The following CRAMP1 variants were observed in gnomAD, a reference collection of about 807,000 sequenced individuals.
CRAMP1 encodes protein cramped-like.
A neutral mutation model predicts 115.4 loss-of-function variants in CRAMP1; 50 were observed. The ratio of observed to expected loss-of-function variants is 0.43; its 90% confidence interval spans 0.35 to 0.55. CRAMP1 has a LOEUF of 0.55. Among genes scored for constraint, CRAMP1 ranks in the 20% least tolerant of loss-of-function variants. The probability of loss-of-function intolerance (pLI) is 0.01; values close to 1 mark genes in which losing one functional copy is unlikely to be tolerated. For synonymous variants in CRAMP1, 866 were observed against 745.4 expected, an observed-to-expected ratio of 1.16 and a Z score of -2.64; for missense variants, 1,679 against 1,721.7, an observed-to-expected ratio of 0.98 and a Z score of 0.44.
rs1406063510 is a variant in CRAMP1, at chr16:1,677,838, T to A, written c.*3793T>A. ...TTTAATATAATAAGAGCTGTTAAAC[T>A]TCTGTTTAAATTTCCAGTTCAACTT... On this transcript the variant is annotated 3_prime_UTR_variant, in exon 21 of 21. Transcript: ENST00000397412. The A allele has an allele frequency of 6.5e-6, 1 of 154,000 alleles. No individual in the cohort carries two copies. The highest frequency in any genetic ancestry group is 1.9e-4 in the East Asian group (1 of 5,250). 9.5% of individuals were successfully genotyped at this position (154,000 alleles called of 1,614,324 possible). A position where few individuals can be genotyped will look rare whatever the true frequency, so the allele number is the denominator to read the frequency against.
At chr16:1,673,710 G>A (rs1003196788) in intron 20 of CRAMP1, among the ~76,000 whole-genome samples, 171 bp from the exon 21 acceptor site, 7 of 152,232 alleles carry the variant, frequency 4.6e-5, no homozygotes, top group African/African-American at 1.7e-4. Flanking sequence ...AAGAGTGTGC[G>A]GGCAGACGAC....
intron 11 of CRAMP1, among the ~76,000 whole-genome samples, chr16:1,660,918 AG>A (rs1188005623): frequency 6.6e-6 from 1 of 152,238 alleles, no homozygotes; most frequent in Non-Finnish European, 1.5e-5. Context: ...CTGAGGCAGG[AG>A]AATCACTTGA....
At chr16:1,642,562 C>T (rs898780675) in intron 6 of CRAMP1, among the ~76,000 whole-genome samples, 1 of 152,322 alleles carries the variant, frequency 6.6e-6, no homozygotes, top group South Asian at 2.1e-4. Context: ...GCTTCAGAGC[C>T]CTGCTTCCTT....
At position 1,666,212 on chromosome 16, in the gene CRAMP1, T is replaced by C; in HGVS notation, c.2857+35T>C. 1 of 1,428,302 alleles carries C rather than the reference T, an allele frequency of 7.0e-7. No individual in the cohort carries two copies. Among genetic ancestry groups the C allele is most frequent in the South Asian group, 1.2e-5 (1 of 83,538 alleles). The allele number at this position is 1,428,302 out of a possible 1,614,324, so 88.5% of individuals were successfully genotyped here. On this transcript the variant is annotated intron_variant, in intron 15 of 20. Transcript: ENST00000397412. This position sits in a 1 kb window ranked among gnomAD's most constrained non-coding sequence, Gnocchi z 5.0. ...TACCTGCATGGCCACAGCCACTGAG[T>C]GAGCCTCTGAGGGATGTTTTTGTGA...
intron 5 of CRAMP1, 102 bp from the exon 6 acceptor site, chr16:1,641,037 A>G (rs1005918100): frequency 1.2e-5 from 9 of 757,806 alleles, no homozygotes; most frequent in Admixed American, 4.6e-5. Context: ...AATATTCGGT[A>G]ATGGGATTTG....
chr16:1,627,711 T>A (rs1220363471), intron 3 of CRAMP1, among the ~76,000 whole-genome samples: 1 of 152,190 alleles, frequency 6.6e-6, no homozygotes, highest in Non-Finnish European at 1.5e-5. Context: ...TTGCAGTAGA[T>A]ATGAAGCCAT....
intron 2 of CRAMP1, among the ~76,000 whole-genome samples, chr16:1,624,654 C>T (rs1205068703): frequency 1.3e-5 from 2 of 152,212 alleles, no homozygotes; most frequent in African/African-American, 4.8e-5. Flanking sequence ...TCTCGGCTCA[C>T]TGCAACCACT....
chr16:1,623,358 C>T (rs2036481643), intron 2 of CRAMP1, among the ~76,000 whole-genome samples: 1 of 152,226 alleles, frequency 6.6e-6, no homozygotes, highest in South Asian at 2.1e-4. Context: ...GCCTCCTCTC[C>T]ACCTCTGAGA....
At chr16:1,649,512 C>G (rs758274667) in intron 6 of CRAMP1, among the ~76,000 whole-genome samples, 4 of 151,918 alleles carry the variant, frequency 2.6e-5, no homozygotes, top group Non-Finnish European at 5.9e-5. Flanking sequence ...TTTTTTGAGA[C>G]GGAGTCTCAC....
chr16:1,653,814 CTG>C (rs1213859239), intron 8 of CRAMP1, among the ~76,000 whole-genome samples: 1 of 133,868 alleles, frequency 7.5e-6, no homozygotes. Context: ...GAGCAAGACT[CTG>C]TCTCAAAAAA....
At position 1,674,312 on chromosome 16, in the gene CRAMP1, C is replaced by T. The variant is rs982055021; in HGVS notation, c.*267C>T. 2.1e-6 allele frequency: 1 copy of T among 485,558 alleles called. No homozygotes were observed. Among genetic ancestry groups the T allele is most frequent in the Non-Finnish European group, 3.7e-6 (1 of 269,394 alleles). The allele number at this position is 485,558 out of a possible 1,614,324, so 30.1% of individuals were successfully genotyped here. A position where few individuals can be genotyped will look rare whatever the true frequency, so the allele number is the denominator to read the frequency against. On this transcript the variant is annotated 3_prime_UTR_variant, in exon 21 of 21. Coordinates refer to ENST00000397412, the MANE Select transcript of CRAMP1 (RefSeq NM_020825.4). ...ACGCCTGGGCCCATGTTAGGGTCTG[C>T]ATAATGATCCCATTTCAGCCTGTGC...
Position 1,656,458 on chromosome 16 carries a change from C to T in CRAMP1, c.1701C>T (p.Ser567=). ...LLDPLPRYLK[S]CQDLIVPEQC... ...ACCCCTTGCCCCGCTACCTAAAGTC[C>T]TGTCAGGACCTCATTGTCCCCGAGC... is the stretch of plus-strand genomic sequence containing the variant. The change falls in exon 10 of 21, where the codon TCC becomes TCT. Residue 567 remains serine, a synonymous_variant. Transcript: ENST00000397412. This position sits in a 1 kb window ranked among gnomAD's most constrained non-coding sequence, Gnocchi z 5.6. 5.7e-6 allele frequency: 9 copies of T among 1,581,820 alleles called. No homozygotes were observed. Among genetic ancestry groups the T allele is most frequent in the Non-Finnish European group, 7.7e-6 (9 of 1,164,682 alleles).
chr16:1,641,400 C>T (rs570088415), intron 6 of CRAMP1, among the ~76,000 whole-genome samples: 2 of 152,306 alleles, frequency 1.3e-5, no homozygotes, highest in South Asian at 4.2e-4. Context: ...GAAGGAAGTG[C>T]CGTCTTTGGC....
At chr16:1,643,560 A>C (rs908389147) in intron 6 of CRAMP1, among the ~76,000 whole-genome samples, 2 of 151,844 alleles carry the variant, frequency 1.3e-5, no homozygotes, top group African/African-American at 4.8e-5. Context: ...AAAAAAAAAA[A>C]AACCCTCAGG....
chr16:1,616,306 C>G (rs1193164446), intron 2 of CRAMP1, among the ~76,000 whole-genome samples: 1 of 152,088 alleles, frequency 6.6e-6, no homozygotes, highest in Non-Finnish European at 1.5e-5. Flanking sequence ...GTTCAGAAGC[C>G]CTGGACCTTG....
chr16:1,625,430 T>C (rs1411562840), intron 2 of CRAMP1, among the ~76,000 whole-genome samples: 1 of 152,146 alleles, frequency 6.6e-6, no homozygotes, highest in Non-Finnish European at 1.5e-5. Flanking sequence ...TTGGTGGACA[T>C]TGATTGAGGG....
chr16:1,664,089 T>C (rs2036854745), intron 13 of CRAMP1, among the ~76,000 whole-genome samples: 1 of 152,168 alleles, frequency 6.6e-6, no homozygotes, highest in South Asian at 2.1e-4. Context: ...CCGACGCCAG[T>C]GTCCTGGGGC....
Position 1,618,920 on chromosome 16 carries a change from G to A in CRAMP1, c.346+3935G>A, listed in dbSNP as rs552780267. Among the ~76,000 whole-genome samples the A allele has an allele frequency of 4.6e-5, 7 of 152,284 alleles. No individual in the cohort carries two copies. The East Asian group carries it at 1.3e-3, about 29-fold the overall frequency. ...TAGGTAAGGCAAAATTTGAACATTG[G>A]TTTGAAGGCTGAGCTGCTTTTCAAA... On this transcript the variant is annotated intron_variant, in intron 2 of 20. Coordinates refer to ENST00000397412, the MANE Select transcript of CRAMP1 (RefSeq NM_020825.4).
chr16:1,638,130 C>T (rs1477556083), intron 5 of CRAMP1, among the ~76,000 whole-genome samples: 1 of 152,212 alleles, frequency 6.6e-6, no homozygotes, highest in Non-Finnish European at 1.5e-5. Context: ...TGCACACATG[C>T]TCGCGTGCAC....
Sources: gnomAD v4.1 joint callset for allele counts (sites outside exome capture counted in the v4.1 genomes callset) on GRCh38, gnomAD v4.1.1 for gene constraint, Gnocchi (gnomAD v3.1) non-coding constraint, MANE v1.5 for transcripts, NCBI Gene and HGNC (gene_info 2026-07-23, HGNC 2026-07-21) for gene names.